The following TNFRSF10A variants were observed in gnomAD, a reference collection of about 807,000 sequenced individuals.
The protein encoded by TNFRSF10A is tumor necrosis factor receptor superfamily member 10A.
In TNFRSF10A, 44 loss-of-function variants were observed where a neutral mutation model predicts 42.8. The ratio of observed to expected loss-of-function variants is 1.03; its 90% confidence interval spans 0.81 to 1.32. The LOEUF (loss-of-function observed/expected upper bound fraction) is 1.32. Ranked by LOEUF, TNFRSF10A falls within the 40% of genes most tolerant of loss-of-function variation. The pLI is 0.00. For synonymous variants in TNFRSF10A, 259 were observed against 234.2 expected, an observed-to-expected ratio of 1.11 and a Z score of -0.97; for missense variants, 680 against 602.0, an observed-to-expected ratio of 1.13 and a Z score of -1.36.
chr8:23,199,281 C>T lies in TNFRSF10A; in HGVS notation c.999G>A (p.Glu333=), dbSNP rs193027080. 7 of 1,613,556 alleles carry T rather than the reference C, an allele frequency of 4.3e-6. No individual in the cohort carries two copies. The highest frequency in any genetic ancestry group is 1.3e-5 in the African/African-American group (1 of 75,038). ...LTGVTVQSPG[E]AQCLLGPAEA... ...CCCAACTCACCAGCAGACACTGTGCCTCCCCTGGGGACTGTACAGTGACAC... is the reference window on the plus strand; with the variant it reads ...CCCAACTCACCAGCAGACACTGTGCTTCCCCTGGGGACTGTACAGTGACAC... Residue 333 remains glutamate, a synonymous_variant, in exon 8 of 10, where the codon GAG becomes GAA. Coordinates refer to ENST00000221132, the MANE Select transcript of TNFRSF10A (RefSeq NM_003844.4).
intron 9 of TNFRSF10A, among the ~76,000 whole-genome samples, chr8:23,195,123 C>A (rs1454793807): frequency 6.6e-6 from 1 of 152,204 alleles, no homozygotes; most frequent in African/African-American, 2.4e-5. Context: ...TGCACCACTG[C>A]ACTCCAGCGT....
chr8:23,198,917 A>G (rs556412420), intron 8 of TNFRSF10A, among the ~76,000 whole-genome samples: 20 of 152,356 alleles, frequency 1.3e-4, no homozygotes, highest in Non-Finnish European at 1.6e-4. Flanking sequence ...TAATAATTTC[A>G]GAGTAAATTT....
intron 8 of TNFRSF10A, among the ~76,000 whole-genome samples, chr8:23,198,270 T>C (rs2128847140): frequency 6.6e-6 from 1 of 152,294 alleles, no homozygotes; most frequent in Non-Finnish European, 1.5e-5. Flanking sequence ...CCATTTAGAT[T>C]ATAAAGTTAT....
rs1385620888 is a variant in TNFRSF10A, at chr8:23,201,041, G to A, written c.630-281C>T. On this transcript the variant is annotated intron_variant, in intron 4 of 9. Coordinates refer to ENST00000221132, the MANE Select transcript of TNFRSF10A (RefSeq NM_003844.4). ...ACACTAATCTTCCCTGGGCTGCAGG[G>A]GAGGCCTGCGTTAGGAGGAATCACA... 2.0e-5 allele frequency among the ~76,000 whole-genome samples: 3 copies of A among 152,124 alleles called. No individual in the cohort carries two copies. The East Asian group carries it at 5.8e-4, about 29-fold the overall frequency.
chr8:23,197,874 G>A (rs951181315), intron 8 of TNFRSF10A, among the ~76,000 whole-genome samples: 17 of 152,096 alleles, frequency 1.1e-4, no homozygotes, highest in African/African-American at 3.9e-4. Flanking sequence ...AAAGACCCAG[G>A]GCACTGCAGA....
At chr8:23,219,879 T>C (rs1489144981) in intron 1 of TNFRSF10A, among the ~76,000 whole-genome samples, 1 of 152,252 alleles carries the variant, frequency 6.6e-6, no homozygotes, top group East Asian at 1.9e-4. Flanking sequence ...TCTCTTCATC[T>C]AAGTTTTTAA....
chr8:23,195,074 G>T (rs1199679241), intron 9 of TNFRSF10A, among the ~76,000 whole-genome samples: 1 of 152,184 alleles, frequency 6.6e-6, no homozygotes, highest in African/African-American at 2.4e-5. Context: ...CGTGAGAATT[G>T]CTAGAACCCA....
intron 2 of TNFRSF10A, among the ~76,000 whole-genome samples, chr8:23,206,256 T>C (rs1801006492): frequency 6.6e-6 from 1 of 152,154 alleles, no homozygotes; most frequent in Non-Finnish European, 1.5e-5. Flanking sequence ...AAAAAAAATT[T>C]ACAGATTTGG....
intron 1 of TNFRSF10A, among the ~76,000 whole-genome samples, chr8:23,223,628 T>C (rs1801287619): frequency 6.6e-6 from 1 of 152,260 alleles, no homozygotes. Flanking sequence ...TTGTTTAGTT[T>C]GTTAAACAAA....
intron 9 of TNFRSF10A, among the ~76,000 whole-genome samples, chr8:23,192,690 T>C (rs189662380): frequency 5.7e-4 from 87 of 152,314 alleles, no homozygotes; most frequent in Non-Finnish European, 1.0e-3. Context: ...AAGAAAAAAG[T>C]GACATTCATT....
intron 1 of TNFRSF10A, among the ~76,000 whole-genome samples, chr8:23,222,933 C>T (rs558552390): frequency 6.6e-6 from 1 of 152,320 alleles, no homozygotes; most frequent in East Asian, 1.9e-4. Context: ...AGCTGTCCTT[C>T]CCCTTCACCA....
At chr8:23,192,889 C>T (rs1800775414) in intron 9 of TNFRSF10A, among the ~76,000 whole-genome samples, 1 of 152,032 alleles carries the variant, frequency 6.6e-6, no homozygotes, top group South Asian at 2.1e-4. Context: ...GACCTGCAAG[C>T]ATCTCAAAAA....
At position 23,206,244 on chromosome 8, in the gene TNFRSF10A, G is replaced by GA. The variant is rs963990734; in HGVS notation, c.404-3484dup. Among the ~76,000 whole-genome samples the GA allele has an allele frequency of 9.3e-4, 141 of 150,910 alleles. 1 individual carries two copies. The highest frequency in any genetic ancestry group is 3.1e-3 in the African/African-American group (127 of 41,234). ...TACACGAAGTTAATATTGAAGGAAG[G>GA]AAAAAAAAATTTACAGATTTGGTGT... On this transcript the variant is annotated intron_variant, in intron 2 of 9. Coordinates refer to ENST00000221132, the MANE Select transcript of TNFRSF10A (RefSeq NM_003844.4).
chr8:23,211,443 A>C (rs1023463590), intron 2 of TNFRSF10A, among the ~76,000 whole-genome samples: 1 of 152,218 alleles, frequency 6.6e-6, no homozygotes, highest in African/African-American at 2.4e-5. Flanking sequence ...TGGGATCAAA[A>C]GACTTCTCAT....
rs545976869 is a variant in TNFRSF10A, at chr8:23,203,289, C to T, written c.404-528G>A. Among the ~76,000 whole-genome samples, 3 of 152,248 alleles carry T rather than the reference C, an allele frequency of 2.0e-5. No homozygotes were observed. The East Asian group carries it at 5.8e-4, about 29-fold the overall frequency. On this transcript the variant is annotated intron_variant, in intron 2 of 9. Coordinates refer to ENST00000221132, the MANE Select transcript of TNFRSF10A (RefSeq NM_003844.4). ...TCCTAATCCCTGCCCTCAGTGAGCT[C>T]TTGGTCAGTAGAAGGTACAAACAGG...
At chr8:23,217,415 C>A (rs1162389928) in intron 1 of TNFRSF10A, among the ~76,000 whole-genome samples, 1 of 152,098 alleles carries the variant, frequency 6.6e-6, no homozygotes, top group African/African-American at 2.4e-5. Context: ...TGGGGTTTCA[C>A]CATGTTGGTC....
intron 1 of TNFRSF10A, among the ~76,000 whole-genome samples, chr8:23,212,782 G>A (rs532277476): frequency 2.5e-4 from 38 of 152,234 alleles, no homozygotes; most frequent in South Asian, 6.2e-4. Context: ...TACATTTGGA[G>A]GCCACATATG....
intron 9 of TNFRSF10A, among the ~76,000 whole-genome samples, chr8:23,194,091 A>G (rs191112843): frequency 1.5e-4 from 23 of 152,286 alleles, no homozygotes; most frequent in Non-Finnish European, 2.4e-4. Flanking sequence ...TGAATTATCT[A>G]TTGGAGCTAA....
intron 1 of TNFRSF10A, among the ~76,000 whole-genome samples, chr8:23,215,975 C>T (rs866340774): frequency 3.3e-5 from 5 of 151,984 alleles, no homozygotes; most frequent in African/African-American, 4.8e-5. Flanking sequence ...TGTGCCACCA[C>T]GCCTGGCTAA....
Sources: gnomAD v4.1 joint callset for allele counts (sites outside exome capture counted in the v4.1 genomes callset) on GRCh38, gnomAD v4.1.1 for gene constraint, MANE v1.5 for transcripts, NCBI Gene and HGNC (gene_info 2026-07-23, HGNC 2026-07-21) for gene names.